Variants in STAG1 observed in about 807,000 individuals in gnomAD.
The protein encoded by STAG1 is STAG1 cohesin complex component.
In STAG1, 26 loss-of-function variants were observed where a neutral mutation model predicts 170.9. The observed-to-expected ratio is 0.15, with a 90% CI of 0.11 to 0.21. The LOEUF is 0.21. STAG1 is among the 10% of genes least tolerant of loss of function. STAG1 has a pLI of 1.00. For missense variants in STAG1, 964 were observed against 1,509.5 expected, an observed-to-expected ratio of 0.64 and a Z score of 5.99; for synonymous variants, 514 against 497.7, an observed-to-expected ratio of 1.03 and a Z score of -0.44.
chr3:136,479,059 T>C (rs1370926182), intron 9 of STAG1, among the ~76,000 whole-genome samples: 3 of 78,722 alleles, frequency 3.8e-5, no homozygotes, highest in African/African-American at 2.0e-4. Flanking sequence ...TTATAATCTT[T>C]CTTTTTTTTT....
At chr3:136,718,228 T>A (rs927875233) in intron 1 of STAG1, among the ~76,000 whole-genome samples, 1 of 152,222 alleles carries the variant, frequency 6.6e-6, no homozygotes, top group African/African-American at 2.4e-5. Flanking sequence ...CTTTACGATA[T>A]TGGGGAGAAG....
intron 1 of STAG1, among the ~76,000 whole-genome samples, chr3:136,723,586 C>T (rs1445792511): frequency 5.3e-5 from 8 of 151,624 alleles, no homozygotes; most frequent in Admixed American, 6.6e-5. Flanking sequence ...CCAGGCCAGC[C>T]GCCCCGTCCA....
intron 1 of STAG1, among the ~76,000 whole-genome samples, chr3:136,717,991 G>T (rs1342558376): frequency 6.6e-6 from 1 of 151,888 alleles, no homozygotes; most frequent in Non-Finnish European, 1.5e-5. Flanking sequence ...TGATAGAAGG[G>T]GAGGAAAGCA....
chr3:136,678,879 A>C (rs1382954753), intron 1 of STAG1, among the ~76,000 whole-genome samples: 1 of 150,910 alleles, frequency 6.6e-6, no homozygotes, highest in East Asian at 1.9e-4. Flanking sequence ...AAAAGAAGAA[A>C]AAGAAAAAAA....
At chr3:136,614,361 G>C (rs145698567) in intron 3 of STAG1, among the ~76,000 whole-genome samples, 17 of 152,218 alleles carry the variant, frequency 1.1e-4, no homozygotes, top group Admixed American at 3.3e-4. Context: ...AATATCTATG[G>C]TCCATAGGGT....
intron 1 of STAG1, among the ~76,000 whole-genome samples, chr3:136,638,501 T>C (rs1940669098): frequency 6.6e-6 from 1 of 152,142 alleles, no homozygotes; most frequent in Admixed American, 6.5e-5. Flanking sequence ...TGTGTGTGTA[T>C]ATGTGTTTAT....
chr3:136,451,796 A>T (rs1395165210), intron 14 of STAG1, among the ~76,000 whole-genome samples: 1 of 152,070 alleles, frequency 6.6e-6, no homozygotes, highest in African/African-American at 2.4e-5. Flanking sequence ...GCAGTATTGC[A>T]ATACTGTAAA....
At position 136,341,335 on chromosome 3, in the gene STAG1, T is replaced by C. The variant is rs1450406145; in HGVS notation, c.3557+106A>G. Reference sequence around the variant, plus strand: ...ATGCTGCATAGCATATCACGAATTATAATTTTAACTCCTAAGACCAAACAT... The same window carrying C: ...ATGCTGCATAGCATATCACGAATTACAATTTTAACTCCTAAGACCAAACAT... On this transcript the variant is annotated intron_variant, in intron 31 of 33. Transcript: ENST00000383202. 1.5e-5 allele frequency: 11 copies of C among 728,428 alleles called. No individual in the cohort carries two copies. The highest frequency in any genetic ancestry group is 2.6e-5 in the Non-Finnish European group (11 of 426,570). 45.1% of individuals were successfully genotyped at this position (728,428 alleles called of 1,614,324 possible).
intron 5 of STAG1, among the ~76,000 whole-genome samples, chr3:136,551,448 G>A (rs1475022715): frequency 1.3e-3 from 22 of 17,596 alleles, no homozygotes; most frequent in African/African-American, 5.1e-3. Flanking sequence ...TTTTTTGGCA[G>A]GGGGAAGAGG....
At chr3:136,420,422 C>T (rs1246893775) in intron 20 of STAG1, among the ~76,000 whole-genome samples, 2 of 151,878 alleles carry the variant, frequency 1.3e-5, no homozygotes, top group East Asian at 1.9e-4. Context: ...GTCTCAAACT[C>T]GTGGGGCTCA....
intron 4 of STAG1, among the ~76,000 whole-genome samples, chr3:136,586,255 T>TAC (rs1302795927): frequency 3.3e-4 from 46 of 139,270 alleles, no homozygotes; most frequent in African/African-American, 8.6e-4. Context: ...TACATATACA[T>TAC]ATACACACAC....
chr3:136,650,020 G>T (rs1300644297), intron 1 of STAG1, among the ~76,000 whole-genome samples: 2 of 151,680 alleles, frequency 1.3e-5, no homozygotes, highest in Non-Finnish European at 2.9e-5. Context: ...ACCCACCTAG[G>T]CCTCCCAAAG....
At chr3:136,716,898 C>A (rs1943554051) in intron 1 of STAG1, among the ~76,000 whole-genome samples, 1 of 152,194 alleles carries the variant, frequency 6.6e-6, no homozygotes, top group African/African-American at 2.4e-5. Flanking sequence ...GCCTAGTTTC[C>A]TCATATATGA....
intron 13 of STAG1, among the ~76,000 whole-genome samples, chr3:136,452,831 C>T (rs1247656611): frequency 6.6e-6 from 1 of 151,984 alleles, no homozygotes; most frequent in African/African-American, 2.4e-5. Context: ...GCTCTGTCAC[C>T]CAGGCTGGAG....
intron 6 of STAG1, among the ~76,000 whole-genome samples, chr3:136,523,893 T>C (rs1379904017): frequency 2.0e-5 from 3 of 152,242 alleles, no homozygotes; most frequent in Non-Finnish European, 2.9e-5. Flanking sequence ...TTGTCAAAGA[T>C]CAGATAGTTG....
At chr3:136,642,562 G>A (rs7635059) in intron 1 of STAG1, among the ~76,000 whole-genome samples, 14,392 of 151,996 alleles carry the variant, frequency 0.095, 2,212 homozygotes, top group African/African-American at 0.33. Context: ...CACTGCACCC[G>A]GCCCACAATT....
intron 4 of STAG1, among the ~76,000 whole-genome samples, chr3:136,580,446 T>C (rs1937566672): frequency 6.6e-6 from 1 of 151,648 alleles, no homozygotes; most frequent in South Asian, 2.1e-4. Context: ...GTGGCTATTA[T>C]ATGGTAAAAG....
At chr3:136,390,804 G>C (rs1194319788) in intron 22 of STAG1, among the ~76,000 whole-genome samples, 1 of 152,126 alleles carries the variant, frequency 6.6e-6, no homozygotes, top group Non-Finnish European at 1.5e-5. Flanking sequence ...GCTATCTCTT[G>C]CTCACTGCTA....
At chr3:136,710,406 T>TAC (rs1943350772) in intron 1 of STAG1, among the ~76,000 whole-genome samples, 1 of 152,188 alleles carries the variant, frequency 6.6e-6, no homozygotes, top group African/African-American at 2.4e-5. Context: ...TCCTCTCTAT[T>TAC]ACAGTGCTCC....
Sources: allele counts gnomAD v4.1 joint callset (sites outside exome capture counted in the v4.1 genomes callset), GRCh38; gene constraint gnomAD v4.1.1; transcripts MANE v1.5; gene names NCBI Gene and HGNC (gene_info 2026-07-23, HGNC 2026-07-21).